TBC1D1: variants seen among roughly 807,000 people sequenced by gnomAD.
TBC1D1 encodes the protein TBC1 (tre-2/USP6, BUB2, cdc16) domain family, member 1.
In TBC1D1, 89 loss-of-function variants were observed where a neutral mutation model predicts 125.6. That is an observed-to-expected ratio of 0.71 (90% confidence interval 0.60 to 0.85). TBC1D1 has a LOEUF of 0.85. Among genes scored for constraint, TBC1D1 ranks in the 40% least tolerant of loss-of-function variants. The pLI is 0.00. For synonymous variants in TBC1D1, 565 were observed against 564.1 expected (o/e 1.00, Z -0.02); for missense variants, 1,377 against 1,469.2 (o/e 0.94, Z 1.03).
intron 13 of TBC1D1, among the ~76,000 whole-genome samples, chr4:38,093,065 C>A (rs755360092): frequency 6.6e-6 from 1 of 152,086 alleles, no homozygotes; most frequent in African/African-American, 2.4e-5. Flanking sequence ...TATAAGAAAG[C>A]GACATTGAGC....
intron 2 of TBC1D1, among the ~76,000 whole-genome samples, chr4:37,919,908 C>G (rs1309576199): frequency 6.6e-6 from 1 of 151,936 alleles, no homozygotes; most frequent in East Asian, 1.9e-4. Flanking sequence ...GTCAGGAGAT[C>G]GAGACCATCC....
rs192466604 is a variant in TBC1D1, at chr4:38,044,252, A to G, written c.1414-110A>G. On this transcript the variant is annotated intron_variant, in intron 8 of 19. Coordinates refer to ENST00000261439, the MANE Select transcript of TBC1D1 (RefSeq NM_015173.4). The stretch of plus-strand genomic sequence containing the variant: ...GAGCAGATGAGGTGAGATCACAGAC[A>G]GGATCAGAATGATGGCCTGGTGCCA... 4.8e-5 allele frequency: 58 copies of G among 1,216,764 alleles called. No homozygotes were observed. In the African/African-American group the frequency reaches 8.1e-4, roughly 17 times the overall value. The allele number at this position is 1,216,764 out of a possible 1,614,324, so 75.4% of individuals were successfully genotyped here. A position where few individuals can be genotyped will look rare whatever the true frequency, so the allele number is the denominator to read the frequency against.
chr4:37,954,719 G>A (rs1362731714), intron 2 of TBC1D1, among the ~76,000 whole-genome samples: 4 of 151,964 alleles, frequency 2.6e-5, no homozygotes, highest in African/African-American at 9.7e-5. Context: ...GCTCTGAGGC[G>A]GAAGTGCCTA....
chr4:38,007,072 A>T (rs1230657365), intron 2 of TBC1D1: 3 of 355,058 alleles, frequency 8.4e-6, no homozygotes, highest in Non-Finnish European at 1.7e-5. Flanking sequence ...CTGAGACGAG[A>T]CATGCGCAGG....
chr4:37,960,127 A>AT (rs1369359616), intron 2 of TBC1D1, among the ~76,000 whole-genome samples: 1 of 152,188 alleles, frequency 6.6e-6, no homozygotes, highest in African/African-American at 2.4e-5. Flanking sequence ...GTGGTTTTTG[A>AT]CCATTTAACA....
chr4:38,089,884 A>AT, intron 12 of TBC1D1, 48 bp from the exon 15 acceptor site: 1 of 1,519,834 alleles, frequency 6.6e-7, no homozygotes, highest in Non-Finnish European at 8.8e-7. Flanking sequence ...TTGAATGTGC[A>AT]TTTTTTGTTG....
intron 12 of TBC1D1, among the ~76,000 whole-genome samples, chr4:38,083,708 GCCAGGTTCAAT>G (rs1417460597): frequency 6.6e-6 from 1 of 152,174 alleles, no homozygotes; most frequent in Non-Finnish European, 1.5e-5. Flanking sequence ...TCATGGTAGA[GCCAGGTTCAAT>G]CCCAGATACC....
chr4:37,951,855 A>C, intron 2 of TBC1D1: 1 of 639,564 alleles, frequency 1.6e-6, no homozygotes, highest in Non-Finnish European at 2.9e-6. Flanking sequence ...TAAATCATTC[A>C]GATACAATTT....
chr4:37,978,268 A>G (rs145358810), intron 2 of TBC1D1, among the ~76,000 whole-genome samples: 1 of 152,284 alleles, frequency 6.6e-6, no homozygotes, highest in East Asian at 1.9e-4. Flanking sequence ...CTGCAGTGCC[A>G]GGTGTCTGAA....
At chr4:38,114,299 T>G (rs1384187394) in intron 15 of TBC1D1, among the ~76,000 whole-genome samples, 2 of 152,092 alleles carry the variant, frequency 1.3e-5, no homozygotes, top group Non-Finnish European at 2.9e-5. Context: ...GGGGAAGAGA[T>G]AGAGGAGGCA....
intron 12 of TBC1D1, among the ~76,000 whole-genome samples, chr4:38,087,328 C>T (rs1757659380): frequency 6.6e-6 from 1 of 152,200 alleles, no homozygotes; most frequent in Non-Finnish European, 1.5e-5. Flanking sequence ...GCCCAAGTGG[C>T]AGAGAGTACA....
At chr4:38,039,104 C>CTTTTTTTTTTTTTTTTTT (rs776941680) in intron 8 of TBC1D1, among the ~76,000 whole-genome samples, 1 of 51,584 alleles carries the variant, frequency 1.9e-5, no homozygotes, top group African/African-American at 6.2e-5. Context: ...GCATCATACT[C>CTTTTTTTTTTTTTTTTTT]TTTTTTTTTT....
At chr4:38,058,864 T>C (rs1863329) in intron 12 of TBC1D1, among the ~76,000 whole-genome samples, 65,032 of 151,830 alleles carry the variant, frequency 0.43, 15,170 homozygotes, top group East Asian at 0.63. Flanking sequence ...AAAAAAAAAA[T>C]CTGGAGAGAA....
rs1560477563 is a variant in TBC1D1 at position 37,919,985 on chromosome 4, A to AT, written c.417+17473_417+17474insT. Among the ~76,000 whole-genome samples, 49 of 152,160 alleles carry AT rather than the reference A, an allele frequency of 3.2e-4. 1 individual carries two copies. The highest frequency in any genetic ancestry group is 2.8e-3 in the Admixed American group (43 of 15,276). On this transcript the variant is annotated intron_variant, in intron 2 of 19. Coordinates refer to ENST00000261439, the MANE Select transcript of TBC1D1 (RefSeq NM_015173.4). ...AAAATGAGCCGGGCGTGGTGGCGGG[A>AT]GCCTGTAGTCCCAGCTACTTGGGAG...
intron 2 of TBC1D1, among the ~76,000 whole-genome samples, chr4:37,940,338 G>A (rs978810234): frequency 1.3e-5 from 2 of 152,190 alleles, no homozygotes; most frequent in Non-Finnish European, 2.9e-5. Flanking sequence ...TTTTATCGGT[G>A]TATAAGAATG....
At chr4:37,929,070 T>C (rs780356400) in intron 2 of TBC1D1, among the ~76,000 whole-genome samples, 4 of 152,236 alleles carry the variant, frequency 2.6e-5, no homozygotes, top group Non-Finnish European at 5.9e-5. Context: ...CATGATGAAA[T>C]TGCAAGACGG....
At chr4:38,023,887 C>T (rs1429890112) in intron 6 of TBC1D1, among the ~76,000 whole-genome samples, 1 of 152,164 alleles carries the variant, frequency 6.6e-6, no homozygotes, top group Non-Finnish European at 1.5e-5. Context: ...TTTTGAGGAA[C>T]TGCCGTATGG....
At chr4:37,970,758 A>G (rs1731857495) in intron 2 of TBC1D1, among the ~76,000 whole-genome samples, 1 of 152,244 alleles carries the variant, frequency 6.6e-6, no homozygotes, top group African/African-American at 2.4e-5. Flanking sequence ...GTGCTAATGA[A>G]TATTCATATT....
chr4:38,092,178 G>T (rs1758531118), intron 13 of TBC1D1, among the ~76,000 whole-genome samples: 1 of 152,176 alleles, frequency 6.6e-6, no homozygotes, highest in African/African-American at 2.4e-5. Flanking sequence ...GATTTGATAA[G>T]AATCAGCCAG....
Sources: allele counts gnomAD v4.1 joint callset (sites outside exome capture counted in the v4.1 genomes callset), GRCh38; gene constraint gnomAD v4.1.1; transcripts MANE v1.5; gene names NCBI Gene and HGNC (gene_info 2026-07-23, HGNC 2026-07-21).